The following SGIP1 variants were observed in gnomAD, a reference collection of about 807,000 sequenced individuals.
SGIP1 encodes the protein SH3GL interacting endocytic adaptor 1.
Under a neutral mutation model 107.5 loss-of-function variants are expected in SGIP1, and 38 were observed. The observed-to-expected ratio is 0.35, with a 90% CI of 0.27 to 0.46. The LOEUF (loss-of-function observed/expected upper bound fraction) is 0.46. Ranked by LOEUF, SGIP1 falls within the 20% of genes least tolerant of loss-of-function variation. The pLI is 1.00. For missense variants in SGIP1, 929 were observed against 1,019.5 expected (o/e 0.91, Z 1.21); for synonymous variants, 365 against 366.1 (o/e 1.00, Z 0.03).
chr1:66,550,133 T>G (rs1030815159), intron 1 of SGIP1, among the ~76,000 whole-genome samples: 1 of 152,166 alleles, frequency 6.6e-6, no homozygotes. Flanking sequence ...AAAGTCTTTC[T>G]TGTTCACCAC....
chr1:66,569,903 G>C (rs1005143472), intron 1 of SGIP1, among the ~76,000 whole-genome samples: 26 of 151,726 alleles, frequency 1.7e-4, no homozygotes, highest in Non-Finnish European at 3.1e-4. Flanking sequence ...TTCTATAATA[G>C]ATATAGACTT....
chr1:66,566,858 C>T (rs1041405280), intron 1 of SGIP1, among the ~76,000 whole-genome samples: 2 of 151,978 alleles, frequency 1.3e-5, no homozygotes, highest in Non-Finnish European at 2.9e-5. Context: ...CTCTCCCTCC[C>T]CTTGCCCCCC....
chr1:66,599,134 C>G (rs1052604994), intron 1 of SGIP1, among the ~76,000 whole-genome samples: 1 of 152,124 alleles, frequency 6.6e-6, no homozygotes, highest in Non-Finnish European at 1.5e-5. Context: ...CAAACAACTA[C>G]TAAGTTATTA....
intron 8 of SGIP1, chr1:66,666,926 T>C (rs1286604939): frequency 6.6e-6 from 1 of 152,264 alleles, no homozygotes; most frequent in African/African-American, 2.4e-5. Context: ...CGCCATCACA[T>C]TCTCATCATT....
In SGIP1 at chr1:66,748,481, C is replaced by T. The variant is rs2094582971; in HGVS notation, c.*5386C>T. Reference sequence around the variant, plus strand: ...CTCACATTTAATATCTGATTTCTCTCCTAAATGGGTATGTCTATGAGGAAA... The same window carrying T: ...CTCACATTTAATATCTGATTTCTCTTCTAAATGGGTATGTCTATGAGGAAA... On this transcript the variant is annotated 3_prime_UTR_variant, in exon 25 of 25. Transcript: ENST00000371037. Among the ~76,000 whole-genome samples, 1 of 151,904 alleles carries T rather than the reference C, an allele frequency of 6.6e-6. No individual in the cohort carries two copies. The highest frequency in any genetic ancestry group is 6.6e-5 in the Admixed American group (1 of 15,250).
intron 1 of SGIP1, among the ~76,000 whole-genome samples, chr1:66,546,471 A>G (rs966893256): frequency 2.6e-5 from 4 of 152,220 alleles, no homozygotes; most frequent in African/African-American, 9.6e-5. Flanking sequence ...GCAGAACATG[A>G]GCTTTGGAGA....
intron 1 of SGIP1, among the ~76,000 whole-genome samples, chr1:66,559,533 A>G (rs968204227): frequency 6.6e-6 from 1 of 152,092 alleles, no homozygotes; most frequent in Non-Finnish European, 1.5e-5. Context: ...CAACAGAAAG[A>G]GCAGAGGGAG....
intron 15 of SGIP1, among the ~76,000 whole-genome samples, chr1:66,685,871 A>G (rs1028331869): frequency 5.3e-5 from 8 of 152,230 alleles, no homozygotes; most frequent in Admixed American, 5.2e-4. Context: ...CAGCTCTATT[A>G]GTAATGTTTC....
rs1285904487 is a variant in SGIP1 at position 66,589,494 on chromosome 1, G to A, written c.11-36353G>A. ...AAATTCAAACTGTTGGCTTTTCTGG[G>A]CCATAAATTCCAGAAGAATGGATTT... On this transcript the variant is annotated intron_variant, in intron 1 of 24. Coordinates refer to ENST00000371037, the MANE Select transcript of SGIP1 (RefSeq NM_032291.4). Among the ~76,000 whole-genome samples the A allele has an allele frequency of 3.3e-5, 5 of 152,060 alleles. No individual in the cohort carries two copies. In the East Asian group the frequency reaches 7.7e-4, roughly 24 times the overall value.
At chr1:66,644,987 GC>G (rs1224255394) in intron 7 of SGIP1, among the ~76,000 whole-genome samples, 7 of 151,886 alleles carry the variant, frequency 4.6e-5, no homozygotes, top group Admixed American at 3.3e-4. Context: ...TATTTTAAAA[GC>G]ACACTCTTTC....
chr1:66,721,991 A>G (rs2093559653), intron 19 of SGIP1, among the ~76,000 whole-genome samples: 1 of 152,026 alleles, frequency 6.6e-6, no homozygotes, highest in Non-Finnish European at 1.5e-5. Context: ...AAGACCCTCC[A>G]TGATCTGCCC....
chr1:66,690,220 T>C lies in SGIP1; in HGVS notation c.1474T>C (p.Ser492Pro). ...ACCTTTTAGCCCTCCCATTCATTCT[T>C]CCAGCCCTCCTCCAATAGCACCCTT... is the stretch of plus-strand genomic sequence containing the variant. ...SRPFSPPIHS[S>P]SPPPIAPLAR... Residue 492 changes from serine to proline, a missense_variant, in exon 17 of 25, where the codon TCC becomes CCC. Physicochemically the swap from Ser to Pro is moderately conservative, Grantham distance 74. This residue lies in a region of SGIP1 where 341 missense variants were observed against 430.9 expected (regional missense o/e 0.79). Coordinates refer to ENST00000371037, the MANE Select transcript of SGIP1 (RefSeq NM_032291.4). 6.2e-7 allele frequency: 1 copy of C among 1,614,182 alleles called. No homozygotes were observed. The highest frequency in any genetic ancestry group is 8.5e-7 in the Non-Finnish European group (1 of 1,180,004).
chr1:66,697,984 A>G (rs984638527), intron 18 of SGIP1, among the ~76,000 whole-genome samples: 2 of 152,154 alleles, frequency 1.3e-5, no homozygotes, highest in African/African-American at 4.8e-5. Flanking sequence ...AAAGATTCCC[A>G]CTTCAAAATA....
intron 18 of SGIP1, among the ~76,000 whole-genome samples, chr1:66,702,105 C>A (rs1217646754): frequency 4.6e-5 from 7 of 152,202 alleles, no homozygotes; most frequent in Admixed American, 4.6e-4. Flanking sequence ...CTAGCTACTC[C>A]ACATGCACAA....
In SGIP1 at chr1:66,691,135, G is replaced by A. The variant is rs534256374; in HGVS notation, c.1570+819G>A. Among the ~76,000 whole-genome samples the A allele has an allele frequency of 7.9e-5, 12 of 152,084 alleles. No homozygotes were observed. The South Asian group carries it at 1.2e-3, about 16-fold the overall frequency. ...ATTCCATTTTTCCCATGGGATCCCC[G>A]TTCCCCATTGTCTTCCTTTATTGTC... is the stretch of plus-strand genomic sequence containing the variant. On this transcript the variant is annotated intron_variant, in intron 17 of 24. Coordinates refer to ENST00000371037, the MANE Select transcript of SGIP1 (RefSeq NM_032291.4).
intron 1 of SGIP1, among the ~76,000 whole-genome samples, chr1:66,547,310 C>T (rs530529231): frequency 2.0e-5 from 3 of 152,118 alleles, no homozygotes; most frequent in African/African-American, 7.2e-5. Flanking sequence ...TTTTGTTAAA[C>T]TGAATAAAAA....
rs137909038 is a variant in SGIP1, at chr1:66,673,444, T to C, written c.646+78T>C. The C allele has an allele frequency of 6.1e-4, 747 of 1,229,266 alleles. 3 individuals are homozygous for C. In the African/African-American group the frequency reaches 8.8e-3, roughly 14 times the overall value. 76.1% of individuals were successfully genotyped at this position (1,229,266 alleles called of 1,614,324 possible). A position where few individuals can be genotyped will look rare whatever the true frequency, so the allele number is the denominator to read the frequency against. The stretch of plus-strand genomic sequence containing the variant: ...ACAACTCTTCTAGATTAAATGTATG[T>C]ATTTTGAGGTATATTTTTAATATAT... On this transcript the variant is annotated intron_variant, in intron 12 of 24. Coordinates refer to ENST00000371037, the MANE Select transcript of SGIP1 (RefSeq NM_032291.4).
chr1:66,742,051 G>A (rs2094463873), intron 24 of SGIP1, among the ~76,000 whole-genome samples: 1 of 152,170 alleles, frequency 6.6e-6, no homozygotes, highest in Admixed American at 6.5e-5. Context: ...TAGGCGGTGA[G>A]CCACCGCACC....
intron 8 of SGIP1, among the ~76,000 whole-genome samples, chr1:66,662,060 C>T (rs1407171808): frequency 6.6e-6 from 1 of 152,022 alleles, no homozygotes; most frequent in Non-Finnish European, 1.5e-5. Flanking sequence ...AATATGTAGT[C>T]GACCCAAGTT....
Sources: allele counts gnomAD v4.1 joint callset (sites outside exome capture counted in the v4.1 genomes callset), GRCh38; gene constraint gnomAD v4.1.1; regional missense constraint gnomAD v4.1.1; transcripts MANE v1.5; gene names NCBI Gene and HGNC (gene_info 2026-07-23, HGNC 2026-07-21).